The following LYZL2 variants were observed in gnomAD, a reference collection of about 807,000 sequenced individuals.
LYZL2 encodes the protein lysozyme-like protein 2.
Under a neutral mutation model 17.1 loss-of-function variants are expected in LYZL2, and 13 were observed. That is an observed-to-expected ratio of 0.76 (90% CI 0.49 to 1.21). The LOEUF (loss-of-function observed/expected upper bound fraction) is 1.21. Ranked by LOEUF, LYZL2 falls within the 50% of genes most tolerant of loss-of-function variation. LYZL2 has a pLI of 0.00. For synonymous variants in LYZL2, 63 were observed against 74.4 expected, an observed-to-expected ratio of 0.85 and a Z score of 0.79; for missense variants, 166 against 189.2, an observed-to-expected ratio of 0.88 and a Z score of 0.72.
At chr10:30,611,230 A>G (rs1838428291), downstream of LYZL2, among the ~76,000 whole-genome samples, 1 of 152,028 alleles carries the variant, frequency 6.6e-6, no homozygotes, top group Non-Finnish European at 1.5e-5. Flanking sequence ...CATCATTGAA[A>G]CTGAGTCAGG....
chr10:30,613,338 T>G (rs1838475708), intron 3 of LYZL2, among the ~76,000 whole-genome samples: 1 of 151,790 alleles, frequency 6.6e-6, no homozygotes, highest in South Asian at 2.1e-4. Flanking sequence ...CTCTACAAAA[T>G]GTAAAAAAAA....
At chr10:30,623,884 A>G (rs1052092901) in intron 3 of LYZL2, among the ~76,000 whole-genome samples, 1 of 152,160 alleles carries the variant, frequency 6.6e-6, no homozygotes, top group Non-Finnish European at 1.5e-5. Context: ...CCCTGGTGCC[A>G]AAAAGGTTGG....
At chr10:30,615,455 T>G (rs388508) in intron 3 of LYZL2, among the ~76,000 whole-genome samples, 1 of 152,118 alleles carries the variant, frequency 6.6e-6, no homozygotes, top group Non-Finnish European at 1.5e-5. Context: ...GGTAAGCTAT[T>G]GTGACCATAG....
rs1239540288 is a variant in LYZL2, at chr10:30,626,759, G to A, written c.139+18C>T. The stretch of plus-strand genomic sequence containing the variant: ...AAAGGTCAAGGACAGAAAGAGAGCA[G>A]GAAAGAAATAATCTCACAGTTTCCA... On this transcript the variant is annotated intron_variant, in intron 2 of 4. Coordinates refer to ENST00000647634, the MANE Select transcript of LYZL2 (RefSeq NM_183058.3). The A allele has an allele frequency of 6.2e-7, 1 of 1,614,208 alleles. No homozygotes were observed. The highest frequency in any genetic ancestry group is 8.5e-7 in the Non-Finnish European group (1 of 1,180,022).
At chr10:30,611,497 A>G (rs1838432898), downstream of LYZL2, among the ~76,000 whole-genome samples, 1 of 102,800 alleles carries the variant, frequency 9.7e-6, no homozygotes, top group Non-Finnish European at 2.0e-5. Context: ...CAAGACTCTG[A>G]AAAAAAAAAA....
At chr10:30,628,599 G>C (rs1405466398) in intron 1 of LYZL2, among the ~76,000 whole-genome samples, 1 of 152,080 alleles carries the variant, frequency 6.6e-6, no homozygotes, top group Non-Finnish European at 1.5e-5. Flanking sequence ...ACAACTACTC[G>C]GGATCCTGAA....
At chr10:30,610,065 G>A (rs1415656547), downstream of LYZL2, among the ~76,000 whole-genome samples, 1 of 151,932 alleles carries the variant, frequency 6.6e-6, no homozygotes, top group Admixed American at 6.6e-5. Context: ...ACTGGAAGAA[G>A]AAGAATTGTC....
intron 3 of LYZL2, among the ~76,000 whole-genome samples, chr10:30,624,461 C>T (rs1292235480): frequency 1.3e-5 from 2 of 152,198 alleles, no homozygotes; most frequent in Non-Finnish European, 2.9e-5. Flanking sequence ...TTCCATTCCT[C>T]TTTGGGCAAG....
At position 30,614,637 on chromosome 10, in the gene LYZL2, G is replaced by T. The variant is rs148120834; in HGVS notation, c.299-1737C>A. Among the ~76,000 whole-genome samples the T allele has an allele frequency of 1.2e-3, 187 of 152,252 alleles. 2 individuals are homozygous for T. In the East Asian group the frequency reaches 0.016, roughly 13 times the overall value. On this transcript the variant is annotated intron_variant, in intron 3 of 4. Coordinates refer to ENST00000647634, the MANE Select transcript of LYZL2 (RefSeq NM_183058.3). ...GATCTCATTACTGCTTGTCAATTAT[G>T]CAAAGATTTTTTTTTTAAGAGAATT...
chr10:30,629,455 A>G, intron 1 of LYZL2, 138 bp downstream of exon 1: 2 of 778,642 alleles, frequency 2.6e-6, no homozygotes, highest in Non-Finnish European at 4.0e-6. Context: ...CTGCCTTAGA[A>G]TGTTAACTGA....
downstream of LYZL2, among the ~76,000 whole-genome samples, chr10:30,611,625 G>A (rs1365941940): frequency 1.4e-5 from 2 of 145,790 alleles, no homozygotes; most frequent in Non-Finnish European, 3.0e-5. Flanking sequence ...GAGAAAGAAA[G>A]AAGGAAAGAG....
At chr10:30,619,495 C>A (rs1257619319) in intron 3 of LYZL2, among the ~76,000 whole-genome samples, 1 of 151,882 alleles carries the variant, frequency 6.6e-6, no homozygotes, top group Non-Finnish European at 1.5e-5. Flanking sequence ...TACTATGCAG[C>A]CATAAAAAAG....
chr10:30,608,659 G>A (rs1294630466), downstream of LYZL2, among the ~76,000 whole-genome samples: 1 of 152,286 alleles, frequency 6.6e-6, no homozygotes, highest in South Asian at 2.1e-4. Context: ...CGTATCTCAG[G>A]GATGTGTGTG....
At chr10:30,608,625 C>T (rs987383959), downstream of LYZL2, among the ~76,000 whole-genome samples, 3 of 152,172 alleles carry the variant, frequency 2.0e-5, no homozygotes, top group Non-Finnish European at 4.4e-5. Flanking sequence ...CGCGCTGTGG[C>T]CCCTGGGCGA....
intron 3 of LYZL2, among the ~76,000 whole-genome samples, chr10:30,624,959 C>T (rs770331903): frequency 6.6e-6 from 1 of 152,104 alleles, no homozygotes; most frequent in African/African-American, 2.4e-5. Flanking sequence ...GAGTAAGGGG[C>T]CATGAGTCAA....
chr10:30,614,419 G>A (rs947096900), intron 3 of LYZL2, among the ~76,000 whole-genome samples: 25 of 152,318 alleles, frequency 1.6e-4, no homozygotes, highest in Middle Eastern at 6.8e-3. Flanking sequence ...TGCCTCACAC[G>A]TCAATGGGTG....
chr10:30,627,779 G>A (rs1588679858), intron 1 of LYZL2, among the ~76,000 whole-genome samples: 1 of 152,262 alleles, frequency 6.6e-6, no homozygotes, highest in South Asian at 2.1e-4. Context: ...CCCTACATTT[G>A]TTCAAGGATC....
At chr10:30,617,607 G>A (rs1354858361) in intron 3 of LYZL2, among the ~76,000 whole-genome samples, 5 of 143,178 alleles carry the variant, frequency 3.5e-5, no homozygotes, top group Non-Finnish European at 6.1e-5. Context: ...CCCTGGAGGC[G>A]GAGGTTGCAG....
chr10:30,619,789 G>T (rs1404085069), intron 3 of LYZL2, among the ~76,000 whole-genome samples: 1 of 151,802 alleles, frequency 6.6e-6, no homozygotes, highest in Non-Finnish European at 1.5e-5. Flanking sequence ...TAACAAAGTT[G>T]CACGTTGTGT....
Sources: gnomAD v4.1 joint callset for allele counts (sites outside exome capture counted in the v4.1 genomes callset) on GRCh38, gnomAD v4.1.1 for gene constraint, MANE v1.5 for transcripts, NCBI Gene and HGNC (gene_info 2026-07-23, HGNC 2026-07-21) for gene names.